Variants in ELOVL6 observed in about 807,000 individuals in gnomAD.
The protein encoded by ELOVL6 is very long chain fatty acid elongase 6.
ELOVL6 carries 8 observed loss-of-function variants against 31.7 expected under a neutral mutation model. The observed-to-expected ratio is 0.25, with a 90% confidence interval of 0.15 to 0.45. The LOEUF is 0.45. Among genes scored for constraint, ELOVL6 ranks in the 20% least tolerant of loss-of-function variants. ELOVL6 has a pLI of 1.00. For synonymous variants in ELOVL6, 101 were observed against 117.7 expected, an observed-to-expected ratio of 0.86 and a Z score of 0.92; for missense variants, 126 against 326.4, an observed-to-expected ratio of 0.39 and a Z score of 4.73.
chr4:110,110,595 T>G (rs888220305), intron 1 of ELOVL6, among the ~76,000 whole-genome samples: 4 of 151,756 alleles, frequency 2.6e-5, no homozygotes, highest in Non-Finnish European at 5.9e-5. Flanking sequence ...GGGATCCCAG[T>G]ATGCTGGCCA....
At chr4:110,164,822 A>G (rs569194966) in intron 1 of ELOVL6, among the ~76,000 whole-genome samples, 8 of 151,246 alleles carry the variant, frequency 5.3e-5, no homozygotes, top group African/African-American at 1.9e-4. Flanking sequence ...ATTTCTGATG[A>G]AAGAATTTCT....
At chr4:110,189,759 G>A (rs888746182) in intron 1 of ELOVL6, among the ~76,000 whole-genome samples, 16 of 151,914 alleles carry the variant, frequency 1.1e-4, no homozygotes, top group Non-Finnish European at 1.5e-4. Flanking sequence ...ACAAGGTCAG[G>A]AGATCGAGAC....
At chr4:110,185,255 A>G (rs1560862320) in intron 1 of ELOVL6, among the ~76,000 whole-genome samples, 1 of 152,250 alleles carries the variant, frequency 6.6e-6, no homozygotes, top group Non-Finnish European at 1.5e-5. Context: ...GCAGTAATTC[A>G]AAACTAAATA....
chr4:110,102,006 A>G (rs947115974), intron 2 of ELOVL6, among the ~76,000 whole-genome samples: 1 of 152,208 alleles, frequency 6.6e-6, no homozygotes, highest in Non-Finnish European at 1.5e-5. Flanking sequence ...AAATATTTTT[A>G]TATTAAAAGT....
At chr4:110,196,119 A>C (rs1230064171) in intron 1 of ELOVL6, among the ~76,000 whole-genome samples, 1 of 152,178 alleles carries the variant, frequency 6.6e-6, no homozygotes, top group Non-Finnish European at 1.5e-5. Context: ...GCCTCAGAGA[A>C]AAAGCAACAA....
intron 1 of ELOVL6, among the ~76,000 whole-genome samples, chr4:110,125,756 G>A (rs1235853704): frequency 1.3e-5 from 2 of 152,024 alleles, no homozygotes; most frequent in Admixed American, 6.5e-5. Flanking sequence ...GAACCTGGGA[G>A]GTGGAGGTTG....
intron 2 of ELOVL6, among the ~76,000 whole-genome samples, chr4:110,064,246 G>A (rs61294644): frequency 0.2 from 27,876 of 137,490 alleles, 2,975 homozygotes; most frequent in East Asian, 0.33. Context: ...GCGATGAGGA[G>A]GTGGGGATCA....
intron 2 of ELOVL6, among the ~76,000 whole-genome samples, chr4:110,060,875 T>C (rs1755118182): frequency 6.6e-6 from 1 of 152,254 alleles, no homozygotes; most frequent in Middle Eastern, 3.2e-3. Flanking sequence ...CACTGTTTTT[T>C]ACTTAAAATA....
chr4:110,095,671 A>G lies in ELOVL6; in HGVS notation c.221+9826T>C, dbSNP rs138661127. On this transcript the variant is annotated intron_variant, in intron 2 of 3. Coordinates refer to ENST00000302274, the MANE Select transcript of ELOVL6 (RefSeq NM_024090.3). ...TTTAATGTATAAGCAAAAGAGTTTT[A>G]ATTAAGGTTTAAACAGGGAAACAAT... Among the ~76,000 whole-genome samples, 75 of 152,248 alleles carry G rather than the reference A, an allele frequency of 4.9e-4. 1 individual carries two copies. The highest frequency in any genetic ancestry group is 1.8e-3 in the African/African-American group (74 of 41,532).
At chr4:110,068,536 T>C (rs1290684971) in intron 2 of ELOVL6, among the ~76,000 whole-genome samples, 1 of 152,256 alleles carries the variant, frequency 6.6e-6, no homozygotes, top group Admixed American at 6.5e-5. Flanking sequence ...AAATGTTTGA[T>C]AGGATCAGTT....
intron 1 of ELOVL6, among the ~76,000 whole-genome samples, chr4:110,133,417 AT>A (rs1757724913): frequency 1.3e-5 from 2 of 152,218 alleles, no homozygotes; most frequent in African/African-American, 4.8e-5. Flanking sequence ...AGCATGTTGC[AT>A]TTCCTTACAA....
chr4:110,110,841 G>A (rs1350148860), intron 1 of ELOVL6, among the ~76,000 whole-genome samples: 1 of 152,128 alleles, frequency 6.6e-6, no homozygotes, highest in African/African-American at 2.4e-5. Flanking sequence ...TAAGGTAAAG[G>A]TTCCTTATTC....
intron 1 of ELOVL6, among the ~76,000 whole-genome samples, chr4:110,137,003 T>C (rs1757831066): frequency 6.6e-6 from 1 of 152,158 alleles, no homozygotes; most frequent in Non-Finnish European, 1.5e-5. Flanking sequence ...AAGGGTGCCA[T>C]GGTAATACTA....
At chr4:110,175,645 G>A (rs1051321543) in intron 1 of ELOVL6, among the ~76,000 whole-genome samples, 10 of 152,088 alleles carry the variant, frequency 6.6e-5, no homozygotes, top group Admixed American at 6.5e-4. Flanking sequence ...CTTTATAGAA[G>A]ACTTTTACCC....
intron 1 of ELOVL6, among the ~76,000 whole-genome samples, chr4:110,121,554 C>A (rs1757357009): frequency 6.6e-6 from 1 of 152,276 alleles, no homozygotes; most frequent in Admixed American, 6.5e-5. Context: ...AAAAAATTAG[C>A]CAGGCGTGGT....
At chr4:110,125,166 T>A (rs1757459262) in intron 1 of ELOVL6, among the ~76,000 whole-genome samples, 2 of 152,160 alleles carry the variant, frequency 1.3e-5, no homozygotes, top group Admixed American at 6.5e-5. Flanking sequence ...TTCCATTTTT[T>A]AAAAAATAAA....
At chr4:110,082,127 C>T (rs1755876787) in intron 2 of ELOVL6, among the ~76,000 whole-genome samples, 1 of 149,244 alleles carries the variant, frequency 6.7e-6, no homozygotes, top group Non-Finnish European at 1.5e-5. Context: ...GAAATAGGAA[C>T]ACTTTTACAC....
At chr4:110,084,584 ATATATTTTTTTTTTTT>A (rs1475843101) in intron 2 of ELOVL6, among the ~76,000 whole-genome samples, 4,839 of 54,844 alleles carry the variant, frequency 0.088, 241 homozygotes, top group Middle Eastern at 0.12. Context: ...ATATATATAT[ATATATTTTTTTTTTTT>A]TTTTTTTTTT....
At position 110,148,597 on chromosome 4, in the gene ELOVL6, A is replaced by T. The variant is rs550679497; in HGVS notation, c.90-42969T>A. ...TAGCACAACAGGGTAAGCATAGTCA[A>T]TAATTTAATTTTACATTGAAAAATA... On this transcript the variant is annotated intron_variant, in intron 1 of 3. Transcript: ENST00000302274. 2.0e-5 allele frequency among the ~76,000 whole-genome samples: 3 copies of T among 152,318 alleles called. No homozygotes were observed. The South Asian group carries it at 6.2e-4, about 32-fold the overall frequency.
Sources: gnomAD v4.1 joint callset for allele counts (sites outside exome capture counted in the v4.1 genomes callset) on GRCh38, gnomAD v4.1.1 for gene constraint, MANE v1.5 for transcripts, NCBI Gene and HGNC (gene_info 2026-07-23, HGNC 2026-07-21) for gene names.